The following ACKR2 variants were observed in gnomAD, a reference collection of about 807,000 sequenced individuals.
The protein encoded by ACKR2 is C-C chemokine receptor D6.
For synonymous variants in ACKR2, 207 were observed against 192.2 expected, an observed-to-expected ratio of 1.08 and a Z score of -0.64; for missense variants, 457 against 477.3, an observed-to-expected ratio of 0.96 and a Z score of 0.40.
intron 2 of ACKR2, among the ~76,000 whole-genome samples, chr3:42,825,697 CTTT>C (rs1458797318): frequency 6.6e-6 from 1 of 151,648 alleles, no homozygotes; most frequent in South Asian, 2.1e-4. Flanking sequence ...AGTGCAAATG[CTTT>C]TTATTTTTCT....
chr3:42,839,731 A>T (rs895760822), intron 2 of ACKR2, among the ~76,000 whole-genome samples: 1 of 152,138 alleles, frequency 6.6e-6, no homozygotes, highest in African/African-American at 2.4e-5. Flanking sequence ...AATAAATCTG[A>T]GTGAGATGGG....
intron 2 of ACKR2, among the ~76,000 whole-genome samples, chr3:42,829,343 A>G (rs1700905600): frequency 6.6e-6 from 1 of 152,190 alleles, no homozygotes; most frequent in South Asian, 2.1e-4. Context: ...GTTCCAGGCA[A>G]TAGCCCCTAT....
intron 2 of ACKR2, chr3:42,851,344 A>G (rs956982455): frequency 5.1e-6 from 5 of 985,140 alleles, no homozygotes; most frequent in African/African-American, 1.7e-5. Flanking sequence ...GGATGAGCGC[A>G]TGGAAAGGAA....
intron 2 of ACKR2, chr3:42,835,538 T>A (rs944707254): frequency 6.6e-5 from 10 of 152,196 alleles, no homozygotes; most frequent in Non-Finnish European, 1.3e-4. Context: ...GAGTTTCGTG[T>A]TGTGATAAAT....
At position 42,834,108 on chromosome 3, in the gene ACKR2, G is replaced by A. The variant is rs141548430; in HGVS notation, c.-38+14397G>A. ...CGAGTAGCTGGGATTACAGGCATGCGCCTCCACGCCCGGCTAATTTTGTAT... is the reference window on the plus strand; with the variant it reads ...CGAGTAGCTGGGATTACAGGCATGCACCTCCACGCCCGGCTAATTTTGTAT... On this transcript the variant is annotated intron_variant, in intron 2 of 2. Transcript: ENST00000422265. Among the ~76,000 whole-genome samples the A allele has an allele frequency of 2.4e-3, 363 of 152,172 alleles. 1 individual carries two copies. The highest frequency in any genetic ancestry group is 6.8e-3 in the African/African-American group (284 of 41,526).
At chr3:42,843,832 C>T (rs1701065085) in intron 2 of ACKR2, 1 of 152,238 alleles carries the variant, frequency 6.6e-6, no homozygotes. Flanking sequence ...GATTCCAAGC[C>T]CACACCCAGA....
chr3:42,828,092 A>ATATATTTTTTTTTTTT (rs1193533555), intron 2 of ACKR2, among the ~76,000 whole-genome samples: 4 of 121,904 alleles, frequency 3.3e-5, no homozygotes, highest in Non-Finnish European at 6.7e-5. Context: ...ATATATATAT[A>ATATATTTTTTTTTTTT]TTTTTTTTTT....
At chr3:42,841,955 C>A (rs1020834525) in intron 2 of ACKR2, among the ~76,000 whole-genome samples, 3 of 152,146 alleles carry the variant, frequency 2.0e-5, no homozygotes, top group African/African-American at 7.2e-5. Flanking sequence ...TCCATCACTC[C>A]CTAGCATTGG....
chr3:42,811,087 T>C (rs974466870), intron 1 of ACKR2, among the ~76,000 whole-genome samples: 2 of 152,206 alleles, frequency 1.3e-5, no homozygotes, highest in African/African-American at 4.8e-5. Flanking sequence ...TGACCTGAAG[T>C]GATCTGCCCA....
At chr3:42,826,668 T>C (rs1045589312) in intron 2 of ACKR2, among the ~76,000 whole-genome samples, 2 of 152,184 alleles carry the variant, frequency 1.3e-5, no homozygotes, top group African/African-American at 4.8e-5. Flanking sequence ...GTTTTGCTGA[T>C]GTTTTCCAAG....
chr3:42,819,739 C>T (rs1700790848), intron 2 of ACKR2, 28 bp downstream of exon 2: 1 of 152,316 alleles, frequency 6.6e-6, no homozygotes, highest in Admixed American at 6.5e-5. Flanking sequence ...ATGATGCTGG[C>T]TGCATTTTCA....
intron 2 of ACKR2, among the ~76,000 whole-genome samples, chr3:42,830,221 T>C (rs1308427605): frequency 6.6e-6 from 1 of 152,194 alleles, no homozygotes; most frequent in African/African-American, 2.4e-5. Context: ...AGGAAGTATG[T>C]CTAAGGAATT....
intron 2 of ACKR2, among the ~76,000 whole-genome samples, chr3:42,823,577 A>C (rs1478145419): frequency 1.3e-5 from 2 of 152,226 alleles, no homozygotes; most frequent in East Asian, 3.8e-4. Context: ...TCAGTAAGCA[A>C]GCAGAACTTA....
chr3:42,849,081 A>G (rs1233186874), intron 2 of ACKR2, among the ~76,000 whole-genome samples: 2 of 152,244 alleles, frequency 1.3e-5, no homozygotes, highest in Non-Finnish European at 2.9e-5. Context: ...GGCCAGAGAA[A>G]GGACATTAGT....
chr3:42,853,011 G>A (rs912933046), intron 2 of ACKR2, among the ~76,000 whole-genome samples: 3 of 152,144 alleles, frequency 2.0e-5, no homozygotes, highest in Non-Finnish European at 4.4e-5. Context: ...ACCCCTTCAC[G>A]AGGGAGCCAG....
At chr3:42,832,981 A>C (rs186448971) in intron 2 of ACKR2, among the ~76,000 whole-genome samples, 58 of 152,298 alleles carry the variant, frequency 3.8e-4, no homozygotes, top group Admixed American at 9.8e-4. Context: ...CTCCCACCTC[A>C]GCCTCCCGAG....
intron 2 of ACKR2, among the ~76,000 whole-genome samples, chr3:42,827,724 G>A (rs7653015): frequency 0.21 from 31,961 of 151,970 alleles, 3,527 homozygotes; most frequent in African/African-American, 0.26. Flanking sequence ...CTAGGGGATT[G>A]GACTTGTTCA....
chr3:42,835,535 G>A (rs199906376), intron 2 of ACKR2: 5 of 136,492 alleles, frequency 3.7e-5, no homozygotes, highest in African/African-American at 5.4e-5. Context: ...CCTGAGTTTC[G>A]TGTTGTGATA....
At chr3:42,848,611 C>A (rs1008391238) in intron 2 of ACKR2, among the ~76,000 whole-genome samples, 15 of 152,120 alleles carry the variant, frequency 9.9e-5, no homozygotes, top group African/African-American at 2.4e-4. Flanking sequence ...TTGGAAAAAA[C>A]CACAGTAATA....
Sources: gnomAD v4.1 joint callset for allele counts (sites outside exome capture counted in the v4.1 genomes callset) on GRCh38, gnomAD v4.1.1 for gene constraint, MANE v1.5 for transcripts, NCBI Gene and HGNC (gene_info 2026-07-23, HGNC 2026-07-21) for gene names.